TBC1D5: variants seen among roughly 807,000 people sequenced by gnomAD.
TBC1D5 encodes the protein TBC1 domain family member 5, also known as TBC1 domain family, member 5.
TBC1D5 carries 75 observed loss-of-function variants against 100.3 expected under a neutral mutation model. That is an observed-to-expected ratio of 0.75 (90% CI 0.62 to 0.91). The LOEUF is 0.91. Among genes scored for constraint, TBC1D5 ranks in the 40% least tolerant of loss-of-function variants. The pLI, the probability that TBC1D5 is intolerant of heterozygous loss-of-function variation, is 0.00. For synonymous variants in TBC1D5, 323 were observed against 325.6 expected (o/e 0.99, Z 0.09); for missense variants, 910 against 942.4 (o/e 0.97, Z 0.45).
At chr3:17,245,448 T>TAAAA (rs10634980) in intron 16 of TBC1D5, among the ~76,000 whole-genome samples, 1,757 of 152,286 alleles carry the variant, frequency 0.012, 35 homozygotes, top group African/African-American at 0.041. Context: ...ACTTACTCCT[T>TAAAA]TAGAGTTGAA....
At chr3:17,557,056 TA>T in intron 2 of TBC1D5, among the ~76,000 whole-genome samples, 1 of 152,192 alleles carries the variant, frequency 6.6e-6, no homozygotes. Flanking sequence ...AAATAAAAAA[TA>T]AAAACAACTG....
At chr3:17,637,366 T>C (rs964362738) in intron 1 of TBC1D5, among the ~76,000 whole-genome samples, 3 of 151,402 alleles carry the variant, frequency 2.0e-5, no homozygotes, top group Admixed American at 1.3e-4. Context: ...AAATATAAAA[T>C]AATATTTTTA....
In TBC1D5 at chr3:17,399,429, A is replaced by C. The variant is rs571756852; in HGVS notation, c.509+3752T>G. 7.5e-4 allele frequency among the ~76,000 whole-genome samples: 114 copies of C among 152,256 alleles called. No homozygotes were observed. In the South Asian group the frequency reaches 9.5e-3, roughly 13 times the overall value. ...ACTTATGAATGTGAGAAAACTACAC[A>C]TAATGATCCCCTAATTTGTATTTTG... On this transcript the variant is annotated intron_variant, in intron 8 of 21. Transcript: ENST00000253692.
chr3:17,284,120 ACACG>A (rs765043532), intron 15 of TBC1D5, among the ~76,000 whole-genome samples: 49 of 150,262 alleles, frequency 3.3e-4, no homozygotes, highest in African/African-American at 9.7e-4. Flanking sequence ...ACACACACAC[ACACG>A]TATTTTTAAT....
chr3:17,556,574 C>T (rs1267733639), intron 2 of TBC1D5, among the ~76,000 whole-genome samples: 2 of 152,110 alleles, frequency 1.3e-5, no homozygotes, highest in African/African-American at 4.8e-5. Flanking sequence ...TTTGGCATGT[C>T]TTATTGCATA....
intron 15 of TBC1D5, among the ~76,000 whole-genome samples, chr3:17,278,372 A>C (rs573456171): frequency 2.6e-5 from 4 of 152,292 alleles, no homozygotes; most frequent in African/African-American, 9.6e-5. Flanking sequence ...AATTGAGGGG[A>C]CTGGCACCTC....
intron 1 of TBC1D5, among the ~76,000 whole-genome samples, chr3:17,721,443 G>GT (rs766231825): frequency 1.4e-4 from 20 of 141,328 alleles, no homozygotes; most frequent in Admixed American, 2.3e-4. Context: ...AGACAGAAAA[G>GT]TAAGTGTGTG....
chr3:17,711,704 T>C (rs573245634), intron 1 of TBC1D5, among the ~76,000 whole-genome samples: 2 of 152,250 alleles, frequency 1.3e-5, no homozygotes, highest in Non-Finnish European at 2.9e-5. Context: ...CTTTAGGTCA[T>C]TCATTTGCAC....
chr3:17,409,586 C>G (rs1259441493), intron 4 of TBC1D5, among the ~76,000 whole-genome samples: 1 of 150,986 alleles, frequency 6.6e-6, no homozygotes, highest in Admixed American at 6.6e-5. Flanking sequence ...GTGGTGAATG[C>G]AGAAAAAAAA....
intron 1 of TBC1D5, among the ~76,000 whole-genome samples, chr3:17,681,790 C>A (rs1347346246): frequency 4.0e-5 from 6 of 151,544 alleles, no homozygotes; most frequent in African/African-American, 1.5e-4. Context: ...AGAAGCCAGG[C>A]CACACAGCAA....
intron 19 of TBC1D5, among the ~76,000 whole-genome samples, chr3:17,180,074 T>G (rs2068266895): frequency 6.6e-6 from 1 of 152,186 alleles, no homozygotes; most frequent in South Asian, 2.1e-4. Context: ...GGCTTTCAAC[T>G]CACTGTCAGG....
chr3:17,378,932 CAG>C (rs1434437912), intron 9 of TBC1D5, among the ~76,000 whole-genome samples: 6 of 151,772 alleles, frequency 4.0e-5, no homozygotes, highest in African/African-American at 1.4e-4. Flanking sequence ...ATCTTCTCCC[CAG>C]AGTTCTGAAA....
intron 17 of TBC1D5, among the ~76,000 whole-genome samples, chr3:17,220,671 C>T (rs1044690535): frequency 6.6e-6 from 1 of 151,956 alleles, no homozygotes; most frequent in Non-Finnish European, 1.5e-5. Flanking sequence ...TAAATTTCTC[C>T]TTTTTTCCAT....
At chr3:17,673,364 C>T (rs2068205136) in intron 1 of TBC1D5, among the ~76,000 whole-genome samples, 1 of 141,086 alleles carries the variant, frequency 7.1e-6, no homozygotes. Context: ...GGCTGGAGTA[C>T]GGTGGCATGA....
intron 2 of TBC1D5, among the ~76,000 whole-genome samples, chr3:17,603,529 C>T (rs1461194413): frequency 6.6e-6 from 1 of 152,090 alleles, no homozygotes; most frequent in Non-Finnish European, 1.5e-5. Flanking sequence ...CTCTCAGTTC[C>T]GGAATTCCCC....
chr3:17,729,229 G>A (rs2076363282), intron 1 of TBC1D5, among the ~76,000 whole-genome samples: 1 of 151,618 alleles, frequency 6.6e-6, no homozygotes, highest in South Asian at 2.1e-4. Flanking sequence ...TTTCTATAAG[G>A]CAGTTTTGCA....
At position 17,513,919 on chromosome 3, in the gene TBC1D5, T is replaced by C. The variant is rs551369123; in HGVS notation, c.-35-5314A>G. Among the ~76,000 whole-genome samples, 67 of 152,142 alleles carry C rather than the reference T, an allele frequency of 4.4e-4. 1 individual carries two copies. Among genetic ancestry groups the C allele is most frequent in the Non-Finnish European group, 8.5e-4 (58 of 68,004 alleles). ...AATTAAGAGATAGCGCAATTGAATATCTGGTTTAAAAAAACATTTTTTATT... is the reference window on the plus strand; with the variant it reads ...AATTAAGAGATAGCGCAATTGAATACCTGGTTTAAAAAAACATTTTTTATT... On this transcript the variant is annotated intron_variant, in intron 2 of 21. Coordinates refer to ENST00000253692, the Ensembl canonical transcript of TBC1D5.
At chr3:17,222,760 G>A (rs1310132454) in intron 17 of TBC1D5, among the ~76,000 whole-genome samples, 4 of 150,658 alleles carry the variant, frequency 2.7e-5, no homozygotes, top group Non-Finnish European at 5.9e-5. Context: ...TCTATCTCTA[G>A]GCCAGTATCT....
chr3:17,399,822 A>G (rs1336083371), intron 8 of TBC1D5, among the ~76,000 whole-genome samples: 2 of 152,080 alleles, frequency 1.3e-5, no homozygotes, highest in African/African-American at 2.4e-5. Context: ...GCTCATTTTC[A>G]TTGAGAAACT....
Sources: gnomAD v4.1 joint callset for allele counts (sites outside exome capture counted in the v4.1 genomes callset) on GRCh38, gnomAD v4.1.1 for gene constraint, MANE v1.5 for transcripts, NCBI Gene and HGNC (gene_info 2026-07-23, HGNC 2026-07-21) for gene names.